Variants in CEP95 observed in about 807,000 individuals in gnomAD.
The protein encoded by CEP95 is centrosomal protein of 95 kDa.
In CEP95, 98 loss-of-function variants were observed where a neutral mutation model predicts 111.2. The observed-to-expected ratio is 0.88, with a 90% CI of 0.75 to 1.04. The LOEUF (loss-of-function observed/expected upper bound fraction) is 1.04, where lower values mean the gene tolerates loss of function less well. Ranked by LOEUF, CEP95 falls within the 50% of genes least tolerant of loss-of-function variation. The pLI is 0.00. For synonymous variants in CEP95, 323 were observed against 327.1 expected, an observed-to-expected ratio of 0.99 and a Z score of 0.14; for missense variants, 1,027 against 977.2, an observed-to-expected ratio of 1.05 and a Z score of -0.68.
Position 64,507,510 on chromosome 17 carries a change from T to A in CEP95, c.19+394T>A, listed in dbSNP as rs2038621844. 2.6e-6 allele frequency: 3 copies of A among 1,150,038 alleles called. No individual in the cohort carries two copies. In the African/African-American group the frequency reaches 4.9e-5, roughly 19 times the overall value. The allele number at this position is 1,150,038 out of a possible 1,614,324, so 71.2% of individuals were successfully genotyped here. ...TGTATTGGTCTTTAAAGGAACAGCA[T>A]TCTTAAGATTTATTATGCCCCTGCA... On this transcript the variant is annotated intron_variant, in intron 1 of 19. Transcript: ENST00000556440.
Position 64,507,024 on chromosome 17 carries a change from C to T in CEP95, c.-74C>T, listed in dbSNP as rs1598162627. ...CGTCCGCGCCCCAGTGTCGGGTCTGCGTGGATCGGTCCTTCCAGGACACCG... is the reference window on the plus strand; with the variant it reads ...CGTCCGCGCCCCAGTGTCGGGTCTGTGTGGATCGGTCCTTCCAGGACACCG... On this transcript the variant is annotated 5_prime_UTR_variant, in exon 1 of 20. Transcript: ENST00000556440. 8.5e-6 allele frequency: 13 copies of T among 1,531,190 alleles called. No individual in the cohort carries two copies. The highest frequency in any genetic ancestry group is 2.4e-5 in the East Asian group (1 of 40,844). The allele number at this position is 1,531,190 out of a possible 1,614,324, so 94.9% of individuals were successfully genotyped here. A position where few individuals can be genotyped will look rare whatever the true frequency, so the allele number is the denominator to read the frequency against.
chr17:64,512,991 A>G (rs1343379675), intron 3 of CEP95, among the ~76,000 whole-genome samples: 1 of 152,180 alleles, frequency 6.6e-6, no homozygotes, highest in African/African-American at 2.4e-5. Context: ...CTCCTGCAGC[A>G]TGAAGCACTG....
At chr17:64,536,201 G>A (rs181168951) in intron 17 of CEP95, 641 of 154,768 alleles carry the variant, frequency 4.1e-3, no homozygotes, top group Middle Eastern at 6.7e-3. Context: ...AGTGGCTCAC[G>A]CCTGTAATCC....
In CEP95 at chr17:64,510,299, A is replaced by G. The variant is rs1555674546; in HGVS notation, c.256+19A>G. 2 of 1,360,506 alleles carry G rather than the reference A, an allele frequency of 1.5e-6. No homozygotes were observed. The highest frequency in any genetic ancestry group is 1.8e-5 in the Admixed American group (1 of 56,462). 84.3% of individuals were successfully genotyped at this position (1,360,506 alleles called of 1,614,324 possible). On this transcript the variant is annotated intron_variant, in intron 3 of 19. Transcript: ENST00000556440. The stretch of plus-strand genomic sequence containing the variant: ...ATAACAGGTTGGTATATGTATAACT[A>G]TCACATAATTATGCATTTTAGTAAA...
At chr17:64,535,642 A>G (rs1968598916) in intron 17 of CEP95, 1 of 152,192 alleles carries the variant, frequency 6.6e-6, no homozygotes, top group Admixed American at 6.5e-5. Flanking sequence ...GGGGCTGTAA[A>G]ATGGTGCAGC....
Position 64,525,765 on chromosome 17 carries a change from A to G in CEP95, c.910-5A>G, listed in dbSNP as rs781808664. The G allele has an allele frequency of 2.5e-6, 4 of 1,580,158 alleles. No individual in the cohort carries two copies. The highest frequency in any genetic ancestry group is 3.5e-6 in the Non-Finnish European group (4 of 1,158,462). ...TCAAATCAACTTTTTTTCTGTTTTT[A>G]ATAGGATCTAGATGATGGACTTTTC... On this transcript the variant is annotated splice_polypyrimidine_tract_variant and splice_region_variant and intron_variant, in intron 8 of 19. Transcript: ENST00000556440.
Position 64,537,909 on chromosome 17 carries a change from CTTT to C in CEP95, c.*133_*135del, listed in dbSNP as rs1273707377. On this transcript the variant is annotated 3_prime_UTR_variant, in exon 20 of 20. Transcript: ENST00000556440. ...CTTTACCTGTATTTTCATTCCAGTA[CTTT>C]TTATGATTTTTTAAATAAAAATTGT... 11 of 471,406 alleles carry C rather than the reference CTTT, an allele frequency of 2.3e-5. No homozygotes were observed. Among genetic ancestry groups the C allele is most frequent in the African/African-American group, 4.0e-5 (2 of 49,956 alleles). 29.2% of individuals were successfully genotyped at this position (471,406 alleles called of 1,614,324 possible). A position where few individuals can be genotyped will look rare whatever the true frequency, so the allele number is the denominator to read the frequency against.
intron 12 of CEP95, 118 bp downstream of exon 12, chr17:64,529,545 G>T: frequency 1.9e-6 from 2 of 1,030,116 alleles, no homozygotes; most frequent in Admixed American, 2.5e-5. Context: ...ATTCTTGAGC[G>T]GAGTGGATGA....
chr17:64,516,423 C>T (rs2039147905), intron 4 of CEP95, among the ~76,000 whole-genome samples: 1 of 152,182 alleles, frequency 6.6e-6, no homozygotes, highest in African/African-American at 2.4e-5. Context: ...CCTCAGACAT[C>T]CTTTACAGAT....
In CEP95 at chr17:64,533,075, A is replaced by G. The variant is rs782135978; in HGVS notation, c.1843-42A>G. ...AGAGCTTATCCTTAAGAATTTAGTG[A>G]ACAGCATTATTAACCTACTTAACTT... On this transcript the variant is annotated intron_variant, in intron 15 of 19. Transcript: ENST00000556440. 3.1e-6 allele frequency: 5 copies of G among 1,605,082 alleles called. No homozygotes were observed. In the East Asian group the frequency reaches 1.1e-4, roughly 36 times the overall value.
At chr17:64,511,363 G>A (rs143674516) in intron 3 of CEP95, among the ~76,000 whole-genome samples, 1 of 152,142 alleles carries the variant, frequency 6.6e-6, no homozygotes, top group Non-Finnish European at 1.5e-5. Context: ...AGATGGCCAC[G>A]CCCGGGGGAC....
chr17:64,511,347 C>G (rs2038880786), intron 3 of CEP95, among the ~76,000 whole-genome samples: 1 of 152,130 alleles, frequency 6.6e-6, no homozygotes, highest in Non-Finnish European at 1.5e-5. Context: ...GTCTACAGAC[C>G]ATAAAAGATG....
At chr17:64,513,241 C>T (rs1555675536) in intron 3 of CEP95, among the ~76,000 whole-genome samples, 24 of 152,122 alleles carry the variant, frequency 1.6e-4, no homozygotes. Context: ...GCTGAGGTTA[C>T]GAATGGCTAG....
intron 10 of CEP95, chr17:64,526,910 A>C: frequency 4.9e-6 from 2 of 409,428 alleles, no homozygotes; most frequent in Non-Finnish European, 9.0e-6. Context: ...CAGTGAGCCC[A>C]GCTAGCACCA....
chr17:64,514,163 C>T (rs1379158917), intron 3 of CEP95, 85 bp from the exon 4 acceptor site: 5 of 572,424 alleles, frequency 8.7e-6, no homozygotes, highest in Admixed American at 5.8e-5. Flanking sequence ...ATAGCATTTT[C>T]ACAATGTTAT....
chr17:64,522,463 G>A (rs1161552168), intron 7 of CEP95, among the ~76,000 whole-genome samples: 1 of 151,242 alleles, frequency 6.6e-6, no homozygotes. Flanking sequence ...GCAACATAGC[G>A]AGACCTCATC....
chr17:64,531,895 AAT>A lies in CEP95; in HGVS notation c.1549_1550del (p.Tyr517GlnfsTer7). On this transcript the variant is annotated frameshift_variant, in exon 14 of 20. Transcript: ENST00000556440. LOFTEE classifies it high-confidence loss of function. ...IHEKEEETEKIYRGEAVRKGT... is the reference protein window; with the variant it reads ...IHEKEEETEKXYRGEAVRKGT... ...GTTTTATATCTGCTTCTAAGGAAAA[AAT>A]ATACAGAGGAGAAGCTGTTCGTAAA... The A allele has an allele frequency of 6.4e-7, 1 of 1,566,508 alleles. No homozygotes were observed. Among genetic ancestry groups the A allele is most frequent in the Non-Finnish European group, 8.6e-7 (1 of 1,162,150 alleles).
chr17:64,510,161 T>C lies in CEP95; in HGVS notation c.149-12T>C, dbSNP rs532121753. 7.6e-5 allele frequency: 116 copies of C among 1,525,478 alleles called. No individual in the cohort carries two copies. The highest frequency in any genetic ancestry group is 4.6e-4 in the African/African-American group (33 of 72,086). 94.5% of individuals were successfully genotyped at this position (1,525,478 alleles called of 1,614,324 possible). A position where few individuals can be genotyped will look rare whatever the true frequency, so the allele number is the denominator to read the frequency against. ...CATGGATACAAAATTATGTGATTTT[T>C]TCCCCCCCCAGACCTCATAGTTATT... is the stretch of plus-strand genomic sequence containing the variant. On this transcript the variant is annotated splice_polypyrimidine_tract_variant and intron_variant, in intron 2 of 19. Transcript: ENST00000556440.
chr17:64,513,366 T>G (rs542977027), intron 3 of CEP95, among the ~76,000 whole-genome samples: 9 of 152,188 alleles, frequency 5.9e-5, no homozygotes, highest in Non-Finnish European at 1.3e-4. Context: ...TTAAGTACTA[T>G]CTATACCTGA....
Sources: allele counts gnomAD v4.1 joint callset (sites outside exome capture counted in the v4.1 genomes callset), GRCh38; gene constraint gnomAD v4.1.1; transcripts MANE v1.5; gene names NCBI Gene and HGNC (gene_info 2026-07-23, HGNC 2026-07-21).